DLG2: variants seen among roughly 807,000 people sequenced by gnomAD.
DLG2 encodes discs large MAGUK scaffold protein 2, also known as disks large homolog 2.
Under a neutral mutation model 132.5 loss-of-function variants are expected in DLG2, and 45 were observed. The ratio of observed to expected loss-of-function variants is 0.34; its 90% CI spans 0.27 to 0.44. The LOEUF (loss-of-function observed/expected upper bound fraction) is 0.44. Ranked by LOEUF, DLG2 falls within the 20% of genes least tolerant of loss-of-function variation. The pLI, the probability that DLG2 is intolerant of heterozygous loss-of-function variation, is 1.00. For synonymous variants in DLG2, 424 were observed against 419.6 expected, an observed-to-expected ratio of 1.01 and a Z score of -0.13; for missense variants, 1,045 against 1,196.9, an observed-to-expected ratio of 0.87 and a Z score of 1.87.
rs1243060813 is a variant in DLG2, at chr11:83,462,286, C to T, written c.2730-193G>A. ...GACTCACGGCCAGAAAGCTCATTCT[C>T]TCAAAGGGCAGTCTCTTGGTCCCAC... On this transcript the variant is annotated intron_variant, in intron 26 of 27. Transcript: ENST00000376104. 3 of 555,754 alleles carry T rather than the reference C, an allele frequency of 5.4e-6. No individual in the cohort carries two copies. In the East Asian group the frequency reaches 8.7e-5, roughly 16 times the overall value. 34.4% of individuals were successfully genotyped at this position (555,754 alleles called of 1,614,324 possible).
chr11:84,259,600 A>T (rs1056049427), intron 7 of DLG2, among the ~76,000 whole-genome samples: 1 of 152,090 alleles, frequency 6.6e-6, no homozygotes, highest in African/African-American at 2.4e-5. Context: ...ACTTTGGAGG[A>T]AGCTAAGATT....
At chr11:85,394,472 T>C (rs1271502779) in intron 3 of DLG2, among the ~76,000 whole-genome samples, 2 of 152,340 alleles carry the variant, frequency 1.3e-5, no homozygotes, top group African/African-American at 4.8e-5. Flanking sequence ...AAGACAACAC[T>C]GATGTCTGTG....
intron 6 of DLG2, among the ~76,000 whole-genome samples, chr11:84,556,255 T>C (rs1341212389): frequency 6.6e-6 from 1 of 152,158 alleles, no homozygotes; most frequent in Non-Finnish European, 1.5e-5. Flanking sequence ...GCTTTGAGAT[T>C]GGGGCCTAGT....
chr11:83,843,614 G>GAAA (rs34618748), intron 16 of DLG2, among the ~76,000 whole-genome samples: 4 of 151,232 alleles, frequency 2.6e-5, no homozygotes, highest in South Asian at 2.1e-4. Context: ...TTCATGAACG[G>GAAA]AAAAAAAAGT....
Position 83,776,831 on chromosome 11 carries a change from C to G in DLG2, c.1825+9859G>C, listed in dbSNP as rs568876946. On this transcript the variant is annotated intron_variant, in intron 18 of 27. Coordinates refer to ENST00000376104, the MANE Select transcript of DLG2 (RefSeq NM_001142699.3). Reference sequence around the variant, plus strand: ...TTCAGATTAAAGAAAGTATTATTCCCGTGGAATGCCTTCTTGACGCTCTCC... The same window carrying G: ...TTCAGATTAAAGAAAGTATTATTCCGGTGGAATGCCTTCTTGACGCTCTCC... 2.2e-3 allele frequency among the ~76,000 whole-genome samples: 333 copies of G among 152,276 alleles called. 2 individuals carry two copies. Among genetic ancestry groups the G allele is most frequent in the African/African-American group, 7.5e-3 (312 of 41,566 alleles).
At chr11:84,471,858 G>A (rs953743333) in intron 7 of DLG2, among the ~76,000 whole-genome samples, 1 of 151,610 alleles carries the variant, frequency 6.6e-6, no homozygotes, top group Non-Finnish European at 1.5e-5. Context: ...CTGGTGTTAA[G>A]ATAAAACTCA....
At chr11:83,914,844 G>C (rs1357815167) in intron 15 of DLG2, among the ~76,000 whole-genome samples, 1 of 152,146 alleles carries the variant, frequency 6.6e-6, no homozygotes, top group African/African-American at 2.4e-5. Context: ...AGGTATGTAT[G>C]TCTGGAGCCA....
chr11:84,042,967 G>C (rs774396522), intron 11 of DLG2, among the ~76,000 whole-genome samples: 13 of 151,360 alleles, frequency 8.6e-5, no homozygotes, highest in Admixed American at 2.6e-4. Flanking sequence ...GATATTTTGG[G>C]GTATTGTAAA....
intron 4 of DLG2, among the ~76,000 whole-genome samples, chr11:85,267,441 C>T (rs1342650355): frequency 2.0e-5 from 3 of 152,192 alleles, no homozygotes; most frequent in Non-Finnish European, 4.4e-5. Context: ...GCCTGTCTTT[C>T]TTCTAGACCA....
chr11:83,796,323 C>T lies in DLG2; in HGVS notation c.1723-9531G>A, dbSNP rs141226103. 2.7e-3 allele frequency among the ~76,000 whole-genome samples: 412 copies of T among 152,308 alleles called. 3 individuals carry two copies. The highest frequency in any genetic ancestry group is 0.01 in the Middle Eastern group (3 of 294). ...AACAAACAAATGAAAAAAACCAAAA[C>T]AGTTCTTTGTGTTGAATCTTTCTTT... On this transcript the variant is annotated intron_variant, in intron 17 of 27. Transcript: ENST00000376104.
intron 6 of DLG2, among the ~76,000 whole-genome samples, chr11:84,875,038 A>G (rs1220488758): frequency 2.0e-5 from 3 of 151,432 alleles, no homozygotes; most frequent in Admixed American, 6.6e-5. Context: ...AAAAAAAAAA[A>G]GAGAAAGATT....
intron 18 of DLG2, among the ~76,000 whole-genome samples, chr11:83,665,090 C>T (rs1215503933): frequency 6.6e-6 from 1 of 152,102 alleles, no homozygotes; most frequent in Non-Finnish European, 1.5e-5. Context: ...AAATAGAATG[C>T]CTTGAAACTT....
chr11:85,302,810 A>T (rs72950176), intron 3 of DLG2, among the ~76,000 whole-genome samples: 7,290 of 152,134 alleles, frequency 0.048, 232 homozygotes, highest in East Asian at 0.096. Context: ...AGCAGCTACA[A>T]CAATAACAAG....
At chr11:85,556,943 G>C (rs776912162) in intron 3 of DLG2, among the ~76,000 whole-genome samples, 6 of 151,776 alleles carry the variant, frequency 4.0e-5, no homozygotes, top group Non-Finnish European at 5.9e-5. Context: ...GGAAGTCCTA[G>C]CCACTGCAAT....
At chr11:84,315,297 G>T (rs1394635916) in intron 7 of DLG2, among the ~76,000 whole-genome samples, 1 of 152,098 alleles carries the variant, frequency 6.6e-6, no homozygotes, top group Non-Finnish European at 1.5e-5. Flanking sequence ...TTATAACCTA[G>T]TATTAGAGAT....
chr11:83,587,495 T>C (rs952323731), intron 19 of DLG2, among the ~76,000 whole-genome samples: 7 of 152,142 alleles, frequency 4.6e-5, no homozygotes, highest in Non-Finnish European at 1.0e-4. Context: ...GATCTCGAAC[T>C]CCTGAGCTCA....
At chr11:83,962,663 T>A (rs1203026336) in intron 14 of DLG2, among the ~76,000 whole-genome samples, 1 of 152,046 alleles carries the variant, frequency 6.6e-6, no homozygotes, top group African/African-American at 2.4e-5. Flanking sequence ...GGCAAAGTGA[T>A]GTATAAGTGT....
chr11:83,756,018 T>C (rs1324671611), intron 18 of DLG2, among the ~76,000 whole-genome samples: 2 of 151,412 alleles, frequency 1.3e-5, no homozygotes, highest in African/African-American at 2.5e-5. Context: ...AAAGATTAAA[T>C]TGGGTTGTCT....
Position 84,064,294 on chromosome 11 carries a change from A to T in DLG2, c.750-4810T>A, listed in dbSNP as rs2096638137. 2.0e-5 allele frequency among the ~76,000 whole-genome samples: 3 copies of T among 152,180 alleles called. No homozygotes were observed. In the South Asian group the frequency reaches 6.2e-4, roughly 32 times the overall value. ...TGAAGAGAAAGATAGCGAAGTTTTA[A>T]TTTGGGTCCTTTGTGGGTATGGAGA... On this transcript the variant is annotated intron_variant, in intron 10 of 27. Coordinates refer to ENST00000376104, the MANE Select transcript of DLG2 (RefSeq NM_001142699.3).
Sources: allele counts gnomAD v4.1 joint callset (sites outside exome capture counted in the v4.1 genomes callset), GRCh38; gene constraint gnomAD v4.1.1; transcripts MANE v1.5; gene names NCBI Gene and HGNC (gene_info 2026-07-23, HGNC 2026-07-21).